Variants in NOPCHAP1 observed in about 807,000 individuals in gnomAD.
NOPCHAP1 encodes the protein NOP protein chaperone 1.
NOPCHAP1 carries 13 observed loss-of-function variants against 14.0 expected under a neutral mutation model. The observed-to-expected ratio is 0.93, with a 90% CI of 0.60 to 1.47. The LOEUF (loss-of-function observed/expected upper bound fraction) is 1.47, where lower values mean the gene tolerates loss of function less well. NOPCHAP1 is among the 40% of genes most tolerant of loss of function. NOPCHAP1 has a pLI of 0.00. For missense variants in NOPCHAP1, 230 were observed against 226.9 expected (o/e 1.01, Z -0.09); for synonymous variants, 78 against 78.4 (o/e 1.00, Z 0.03).
At chr12:104,986,776 C>G (rs1873248386) in intron 1 of NOPCHAP1, among the ~76,000 whole-genome samples, 1 of 152,176 alleles carries the variant, frequency 6.6e-6, no homozygotes, top group South Asian at 2.1e-4. Flanking sequence ...GGGAAGCTCT[C>G]GAGTTCTTTT....
rs1873525718 is a variant in NOPCHAP1, at chr12:104,997,689, C to T, written c.*2993C>T. On this transcript the variant is annotated 3_prime_UTR_variant, in exon 4 of 4. Transcript: ENST00000552951. ...TGATGACTGTATGTTTTAGGTTGGT[C>T]TGCTTGTGTAGTATTTCACAAGGGT... 6.6e-6 allele frequency: 1 copy of T among 152,052 alleles called. No homozygotes were observed. Among genetic ancestry groups the T allele is most frequent in the Non-Finnish European group, 1.5e-5 (1 of 68,024 alleles). The allele number at this position is 152,052 out of a possible 1,614,324, so 9.4% of individuals were successfully genotyped here. A position where few individuals can be genotyped will look rare whatever the true frequency, so the allele number is the denominator to read the frequency against.
At chr12:104,986,587 C>CG in intron 1 of NOPCHAP1, 120 bp downstream of exon 1, 2 of 803,008 alleles carry the variant, frequency 2.5e-6, no homozygotes, top group Non-Finnish European at 3.7e-6. Flanking sequence ...AGGGGAGCCC[C>CG]GGGGACTGCT....
chr12:105,017,498 CA>C lies in NOPCHAP1; in HGVS notation c.*22825del, dbSNP rs5800643. The C allele has an allele frequency of 0.04, 3,637 of 90,706 alleles. 18 individuals carry two copies. The highest frequency in any genetic ancestry group is 0.078 in the Middle Eastern group (12 of 154). The allele number at this position is 90,706 out of a possible 1,614,324, so 5.6% of individuals were successfully genotyped here. On this transcript the variant is annotated 3_prime_UTR_variant, in exon 4 of 4. Transcript: ENST00000552951. ...TGGGTGACAGAGAGACAGACTGTCT[CA>C]AAAAAAAAAAAAAAAAAAAAAATGT... is the stretch of plus-strand genomic sequence containing the variant.
chr12:104,993,369 A>C (rs1873424502), intron 3 of NOPCHAP1, among the ~76,000 whole-genome samples: 1 of 152,092 alleles, frequency 6.6e-6, no homozygotes, highest in Admixed American at 6.5e-5. Context: ...TATTGGGGAA[A>C]AAAAACCTCC....
In NOPCHAP1 at chr12:105,003,933, T is replaced by C. The variant is rs929016287; in HGVS notation, c.*9237T>C. On this transcript the variant is annotated 3_prime_UTR_variant, in exon 4 of 4. Transcript: ENST00000552951. ...GTCTGGCTTAAACCTAGCTATTCGT[T>C]ACAAAAGTATTCTGCTAAGTTAGGT... 4 of 152,230 alleles carry C rather than the reference T, an allele frequency of 2.6e-5. No homozygotes were observed. The highest frequency in any genetic ancestry group is 9.6e-5 in the African/African-American group (4 of 41,470). 9.4% of individuals were successfully genotyped at this position (152,230 alleles called of 1,614,324 possible). A position where few individuals can be genotyped will look rare whatever the true frequency, so the allele number is the denominator to read the frequency against.
intron 2 of NOPCHAP1, among the ~76,000 whole-genome samples, chr12:104,988,791 A>G (rs1191116063): frequency 6.6e-6 from 1 of 152,208 alleles, no homozygotes; most frequent in Non-Finnish European, 1.5e-5. Context: ...GTAAATAAGC[A>G]TGAAGGTAAT....
chr12:104,993,052 G>A (rs1487802746), intron 3 of NOPCHAP1, among the ~76,000 whole-genome samples: 7 of 152,130 alleles, frequency 4.6e-5, no homozygotes, highest in East Asian at 3.9e-4. Context: ...TCTCCATTTC[G>A]ACTCCCTCTG....
intron 3 of NOPCHAP1, among the ~76,000 whole-genome samples, chr12:104,992,950 A>G (rs1873415068): frequency 6.6e-6 from 1 of 151,958 alleles, no homozygotes; most frequent in African/African-American, 2.4e-5. Context: ...TATCTCCTAC[A>G]CAGTCCTCAT....
rs1873705327 is a variant in NOPCHAP1, at chr12:105,006,148, G to A, written c.*11452G>A. The A allele has an allele frequency of 6.6e-6, 1 of 152,124 alleles. No homozygotes were observed. Among genetic ancestry groups the A allele is most frequent in the African/African-American group, 2.4e-5 (1 of 41,418 alleles). 9.4% of individuals were successfully genotyped at this position (152,124 alleles called of 1,614,324 possible). On this transcript the variant is annotated 3_prime_UTR_variant, in exon 4 of 4. Coordinates refer to ENST00000552951, the MANE Select transcript of NOPCHAP1 (RefSeq NM_152318.3). The stretch of plus-strand genomic sequence containing the variant: ...TGATTGGCTCTGTCGTAAATCTTAT[G>A]AATTCATGCATGATATCTGGACACA...
chr12:104,988,115 TG>T, intron 1 of NOPCHAP1, 51 bp from the exon 2 acceptor site: 1 of 1,408,532 alleles, frequency 7.1e-7, no homozygotes, highest in Admixed American at 1.8e-5. Context: ...GATGGGCCTT[TG>T]TTTTTTTATG....
Position 105,003,226 on chromosome 12 carries a change from A to T in NOPCHAP1, c.*8530A>T, listed in dbSNP as rs977681560. ...AGTTTATGTAGGTTAAAACTTTCCCACTGTGGGCCACTGGAATTCTAATTT... is the reference window on the plus strand; with the variant it reads ...AGTTTATGTAGGTTAAAACTTTCCCTCTGTGGGCCACTGGAATTCTAATTT... On this transcript the variant is annotated 3_prime_UTR_variant, in exon 4 of 4. Coordinates refer to ENST00000552951, the MANE Select transcript of NOPCHAP1 (RefSeq NM_152318.3). 6.6e-6 allele frequency: 1 copy of T among 152,138 alleles called. No individual in the cohort carries two copies. The highest frequency in any genetic ancestry group is 1.5e-5 in the Non-Finnish European group (1 of 68,018). 9.4% of individuals were successfully genotyped at this position (152,138 alleles called of 1,614,324 possible).
chr12:104,992,493 G>T (rs1873400921), intron 3 of NOPCHAP1, among the ~76,000 whole-genome samples: 1 of 152,140 alleles, frequency 6.6e-6, no homozygotes, highest in Non-Finnish European at 1.5e-5. Flanking sequence ...GGGGTCCGTT[G>T]TTCACACAGT....
Position 104,994,531 on chromosome 12 carries a change from A to G in NOPCHAP1, c.393A>G (p.Ser131=). The G allele has an allele frequency of 6.2e-7, 1 of 1,613,604 alleles. No individual in the cohort carries two copies. Among genetic ancestry groups the G allele is most frequent in the Non-Finnish European group, 8.5e-7 (1 of 1,179,706 alleles). Residue 131 remains serine, a synonymous_variant, in exon 4 of 4, where the codon TCA becomes TCG. Coordinates refer to ENST00000552951, the MANE Select transcript of NOPCHAP1 (RefSeq NM_152318.3). ...NQSDSKEVDS[S]EESSQDSSEN... is the part of the protein sequence containing the mutation. Reference sequence around the variant, plus strand: ...CGGATTCAAAAGAAGTGGACAGTTCAGAAGAGAGTTCACAAGACAGTTCAG... The same window carrying G: ...CGGATTCAAAAGAAGTGGACAGTTCGGAAGAGAGTTCACAAGACAGTTCAG...
chr12:105,004,768 G>A lies in NOPCHAP1; in HGVS notation c.*10072G>A, dbSNP rs1873673346. 6.6e-6 allele frequency: 1 copy of A among 152,158 alleles called. No individual in the cohort carries two copies. Among genetic ancestry groups the A allele is most frequent in the Non-Finnish European group, 1.5e-5 (1 of 68,028 alleles). 9.4% of individuals were successfully genotyped at this position (152,158 alleles called of 1,614,324 possible). On this transcript the variant is annotated 3_prime_UTR_variant, in exon 4 of 4. Coordinates refer to ENST00000552951, the MANE Select transcript of NOPCHAP1 (RefSeq NM_152318.3). ...TGAACAATGCAGGAGTTAGGGTGCT[G>A]ACCCCCTTTGTGGTCAAAAATCTAT...
rs1340736065 is a variant in NOPCHAP1 at position 105,013,847 on chromosome 12, G to T, written c.*19151G>T. On this transcript the variant is annotated 3_prime_UTR_variant, in exon 4 of 4. Coordinates refer to ENST00000552951, the MANE Select transcript of NOPCHAP1 (RefSeq NM_152318.3). The stretch of plus-strand genomic sequence containing the variant: ...TTCTTCTGCTCCCCATCCATGGGCT[G>T]TACCCACTGTCTAACCAGTCCCAAT... 6.6e-6 allele frequency: 1 copy of T among 152,618 alleles called. No individual in the cohort carries two copies. Among genetic ancestry groups the T allele is most frequent in the Non-Finnish European group, 1.5e-5 (1 of 68,426 alleles). 9.5% of individuals were successfully genotyped at this position (152,618 alleles called of 1,614,324 possible). A position where few individuals can be genotyped will look rare whatever the true frequency, so the allele number is the denominator to read the frequency against.
intron 2 of NOPCHAP1, among the ~76,000 whole-genome samples, chr12:104,989,327 C>T (rs144089919): frequency 7.2e-5 from 11 of 152,254 alleles, no homozygotes; most frequent in African/African-American, 2.6e-4. Flanking sequence ...ATAGACTTAC[C>T]AGCCTTTGTG....
At chr12:104,992,068 T>A (rs1873389335) in intron 3 of NOPCHAP1, among the ~76,000 whole-genome samples, 1 of 152,240 alleles carries the variant, frequency 6.6e-6, no homozygotes, top group African/African-American at 2.4e-5. Flanking sequence ...TTTGTTATTC[T>A]GAAGCATTAA....
intron 3 of NOPCHAP1, among the ~76,000 whole-genome samples, chr12:104,993,594 TC>T (rs1873429179): frequency 6.6e-6 from 1 of 152,206 alleles, no homozygotes; most frequent in Non-Finnish European, 1.5e-5. Context: ...CCCCGAGTGA[TC>T]GCTTATTGGC....
rs1454301928 is a variant in NOPCHAP1 at position 105,015,712 on chromosome 12, A to G, written c.*21016A>G. On this transcript the variant is annotated 3_prime_UTR_variant, in exon 4 of 4. Transcript: ENST00000552951. ...GATTCTCAGATTGAAAACAGTGTGTATAGGGTTCTGTTCTATCAAATGTTT... is the reference window on the plus strand; with the variant it reads ...GATTCTCAGATTGAAAACAGTGTGTGTAGGGTTCTGTTCTATCAAATGTTT... The G allele has an allele frequency of 2.0e-5, 3 of 152,178 alleles. No homozygotes were observed. Among genetic ancestry groups the G allele is most frequent in the African/African-American group, 7.2e-5 (3 of 41,436 alleles). 9.4% of individuals were successfully genotyped at this position (152,178 alleles called of 1,614,324 possible).
Sources: allele counts gnomAD v4.1 joint callset (sites outside exome capture counted in the v4.1 genomes callset), GRCh38; gene constraint gnomAD v4.1.1; transcripts MANE v1.5; gene names NCBI Gene and HGNC (gene_info 2026-07-23, HGNC 2026-07-21).